The following LRRC51 variants were observed in gnomAD, a reference collection of about 807,000 sequenced individuals.
The protein encoded by LRRC51 is leucine rich repeat containing 51, also known as leucine-rich repeat-containing protein 51.
Under a neutral mutation model 17.8 loss-of-function variants are expected in LRRC51, and 8 were observed. The ratio of observed to expected loss-of-function variants is 0.45; its 90% CI spans 0.26 to 0.81. The LOEUF is 0.81. Ranked by LOEUF, LRRC51 falls within the 30% of genes least tolerant of loss-of-function variation. The pLI is 0.17. For synonymous variants in LRRC51, 92 were observed against 96.0 expected (o/e 0.96, Z 0.24); for missense variants, 233 against 239.3 (o/e 0.97, Z 0.17).
At chr11:72,084,876 G>A (rs1291561398) in intron 1 of LRRC51, among the ~76,000 whole-genome samples, 5 of 75,370 alleles carry the variant, frequency 6.6e-5, no homozygotes, top group African/African-American at 3.2e-4. Flanking sequence ...GTGTGTGTGT[G>A]TGTGTGTGTG....
chr11:72,094,483 T>C (rs1441257924), intron 4 of LRRC51: 1 of 574,682 alleles, frequency 1.7e-6, no homozygotes, highest in African/African-American at 1.9e-5. Context: ...AGTTTGGCCT[T>C]TTCTAGTCCA....
In LRRC51 at chr11:72,089,676, T is replaced by C. The variant is rs1044780688; in HGVS notation, c.82+511T>C. 6 of 978,076 alleles carry C rather than the reference T, an allele frequency of 6.1e-6. No homozygotes were observed. The South Asian group carries it at 1.2e-4, about 20-fold the overall frequency. 60.6% of individuals were successfully genotyped at this position (978,076 alleles called of 1,614,324 possible). A position where few individuals can be genotyped will look rare whatever the true frequency, so the allele number is the denominator to read the frequency against. On this transcript the variant is annotated intron_variant, in intron 3 of 5. Coordinates refer to ENST00000289488, the MANE Select transcript of LRRC51 (RefSeq NM_145309.6). Reference sequence around the variant, plus strand: ...AACATGAGGGGTCTTATCTACAAACTGGCATATTTCCAGTTTAAATACTTA... The same window carrying C: ...AACATGAGGGGTCTTATCTACAAACCGGCATATTTCCAGTTTAAATACTTA...
intron 5 of LRRC51, 82 bp from the exon 6 acceptor site, chr11:72,095,297 T>C (rs1049289856): frequency 1.2e-6 from 2 of 1,611,042 alleles, no homozygotes; most frequent in African/African-American, 2.7e-5. Flanking sequence ...TTCCTTGCAG[T>C]CAGGGAAGAC....
chr11:72,088,605 T>C, intron 2 of LRRC51: 1 of 586,768 alleles, frequency 1.7e-6, no homozygotes, highest in South Asian at 2.1e-5. Flanking sequence ...AGCAATAGAA[T>C]AGCCCAGTTG....
In LRRC51 at chr11:72,096,503, G is replaced by A. The variant is rs1945218095; in HGVS notation, c.*983G>A. The A allele has an allele frequency of 3.3e-6, 4 of 1,224,310 alleles. No homozygotes were observed. The South Asian group carries it at 7.6e-5, about 23-fold the overall frequency. The allele number at this position is 1,224,310 out of a possible 1,614,324, so 75.8% of individuals were successfully genotyped here. Reference sequence around the variant, plus strand: ...TCTGCCCACCTCAGCCTCCCAAAGTGCTAGGATTACAGGATAAGCCACTGC... The same window carrying A: ...TCTGCCCACCTCAGCCTCCCAAAGTACTAGGATTACAGGATAAGCCACTGC... On this transcript the variant is annotated 3_prime_UTR_variant, in exon 6 of 6. Coordinates refer to ENST00000289488, the MANE Select transcript of LRRC51 (RefSeq NM_145309.6).
chr11:72,087,919 A>C (rs1944635684), intron 1 of LRRC51, among the ~76,000 whole-genome samples: 1 of 152,226 alleles, frequency 6.6e-6, no homozygotes, highest in Non-Finnish European at 1.5e-5. Flanking sequence ...AGTGGATGGC[A>C]CTATTCTGCA....
chr11:72,080,915 T>C (rs549447287), intron 1 of LRRC51, 30 bp downstream of exon 1: 133 of 152,490 alleles, frequency 8.7e-4, no homozygotes, highest in African/African-American at 2.8e-3. Flanking sequence ...AGGAAACCCG[T>C]TCTAGGGGAC....
chr11:72,093,394 C>A, intron 3 of LRRC51, 102 bp from the exon 4 acceptor site: 1 of 1,155,278 alleles, frequency 8.7e-7, no homozygotes, highest in Non-Finnish European at 1.3e-6. Context: ...TCCAGACCCT[C>A]CAGCTACAGC....
At chr11:72,087,362 T>G (rs2136493237) in intron 1 of LRRC51, among the ~76,000 whole-genome samples, 1 of 142,744 alleles carries the variant, frequency 7.0e-6, no homozygotes, top group African/African-American at 2.6e-5. Flanking sequence ...CAGGCTGGAG[T>G]GCAGTGGCAC....
rs1167232926 is a variant in LRRC51, at chr11:72,095,622, T to C, written c.*102T>C. 5 of 1,552,330 alleles carry C rather than the reference T, an allele frequency of 3.2e-6. No homozygotes were observed. The highest frequency in any genetic ancestry group is 2.0e-5 in the Admixed American group (1 of 51,190). ...AGCAGATGAGAAGTCACTTACACCT[T>C]GTAGAGATGTTCTCTAACTCAGGCA... On this transcript the variant is annotated 3_prime_UTR_variant, in exon 6 of 6. Coordinates refer to ENST00000289488, the MANE Select transcript of LRRC51 (RefSeq NM_145309.6).
chr11:72,091,445 C>T (rs537460931), intron 3 of LRRC51, among the ~76,000 whole-genome samples: 1 of 152,154 alleles, frequency 6.6e-6, no homozygotes, highest in South Asian at 2.1e-4. Context: ...GTGGATGTTG[C>T]CTGACCTGCA....
intron 1 of LRRC51, among the ~76,000 whole-genome samples, chr11:72,087,694 C>T (rs1350279342): frequency 2.6e-5 from 4 of 152,118 alleles, no homozygotes; most frequent in African/African-American, 9.7e-5. Flanking sequence ...CCACTAGTCA[C>T]GTACATTTGA....
chr11:72,094,625 C>A, intron 4 of LRRC51: 1 of 683,292 alleles, frequency 1.5e-6, no homozygotes, highest in South Asian at 1.5e-5. Flanking sequence ...CTGTTGCTTG[C>A]TGTGATAGAA....
chr11:72,086,129 G>A, intron 1 of LRRC51: 2 of 415,042 alleles, frequency 4.8e-6, no homozygotes, highest in Non-Finnish European at 8.7e-6. Context: ...AAAACAATCA[G>A]CCTAACACAG....
chr11:72,089,597 G>A, intron 3 of LRRC51: 1 of 1,186,112 alleles, frequency 8.4e-7, no homozygotes, highest in South Asian at 1.6e-5. Flanking sequence ...GTCCCAGCAA[G>A]TAGGCAAAAC....
intron 3 of LRRC51, chr11:72,089,679 C>T: frequency 1.1e-6 from 1 of 940,654 alleles, no homozygotes; most frequent in Non-Finnish European, 1.3e-6. Flanking sequence ...TACAAACTGG[C>T]ATATTTCCAG....
chr11:72,081,532 G>C (rs1203219676), intron 1 of LRRC51, among the ~76,000 whole-genome samples: 1 of 152,172 alleles, frequency 6.6e-6, no homozygotes, highest in Non-Finnish European at 1.5e-5. Context: ...GGCATAACCT[G>C]GGAGATCAGA....
intron 1 of LRRC51, among the ~76,000 whole-genome samples, chr11:72,081,313 T>C (rs1944178801): frequency 6.6e-6 from 1 of 151,950 alleles, no homozygotes; most frequent in African/African-American, 2.4e-5. Context: ...CCCCAGCTAC[T>C]AGGGAGGCTG....
intron 4 of LRRC51, 66 bp from the exon 5 acceptor site, chr11:72,094,882 C>A: frequency 6.2e-7 from 1 of 1,614,144 alleles, no homozygotes. Context: ...GCCCACGAGT[C>A]AGCCCTGAGC....
Sources: gnomAD v4.1 joint callset for allele counts (sites outside exome capture counted in the v4.1 genomes callset) on GRCh38, gnomAD v4.1.1 for gene constraint, MANE v1.5 for transcripts, NCBI Gene and HGNC (gene_info 2026-07-23, HGNC 2026-07-21) for gene names.